DMD: variants seen among roughly 807,000 people sequenced by gnomAD.
The protein encoded by DMD is mutant dystrophin.
A neutral mutation model predicts 330.1 loss-of-function variants in DMD; 63 were observed. The ratio of observed to expected loss-of-function variants is 0.19; its 90% CI spans 0.16 to 0.24. The LOEUF (loss-of-function observed/expected upper bound fraction) is 0.24, where lower values mean the gene tolerates loss of function less well. Among genes scored for constraint, DMD ranks in the 10% least tolerant of loss-of-function variants. The pLI, the probability that DMD is intolerant of heterozygous loss-of-function variation, is 1.00. For missense variants in DMD, 3,344 were observed against 2,684.1 expected, an observed-to-expected ratio of 1.25 and a Z score of -5.43; for synonymous variants, 1,223 against 959.8, an observed-to-expected ratio of 1.27 and a Z score of -5.07.
chrX:31,341,059 T>G (rs995714242), intron 61 of DMD, among the ~76,000 whole-genome samples: 3 of 112,092 alleles, frequency 2.7e-5, no homozygotes, highest in African/African-American at 6.5e-5. Flanking sequence ...GACCATTAAA[T>G]GCAAGAGAAT....
chrX:33,193,781 A>G (rs957656931), intron 1 of DMD, among the ~76,000 whole-genome samples: 4 of 112,037 alleles, frequency 3.6e-5, no homozygotes, highest in Admixed American at 9.6e-5. Context: ...TTTCCATATC[A>G]TATTATACCC....
intron 1 of DMD, among the ~76,000 whole-genome samples, chrX:33,130,293 C>A (rs1434549372): frequency 9.0e-6 from 1 of 111,716 alleles, no homozygotes; most frequent in Non-Finnish European, 1.9e-5. Flanking sequence ...GTGCAAGATT[C>A]CACAATGCAC....
In DMD at chrX:33,074,485, T is replaced by A. The variant is rs138372871; in HGVS notation, c.32-54285A>T. ...AACTCCTTTGATTCAGTGGTTGCTA[T>A]GGTTTCACTATTTATCCCCTCCAAA... On this transcript the variant is annotated intron_variant, in intron 1 of 78. Coordinates refer to ENST00000357033, the MANE Select transcript of DMD (RefSeq NM_004006.3). Among the ~76,000 whole-genome samples the A allele has an allele frequency of 2.1e-3, 233 of 110,892 alleles. 1 individual carries two copies. The highest frequency in any genetic ancestry group is 7.4e-3 in the African/African-American group (225 of 30,450).
In DMD at chrX:32,288,755, G is replaced by T. The variant is rs150319907; in HGVS notation, c.6118-1054C>A. On this transcript the variant is annotated intron_variant, in intron 42 of 78. Transcript: ENST00000357033. ...TAATAAAGCAAATCAGTCCTATGAT[G>T]ATCCATCTTTAGTAAAAATGGGAGA... Among the ~76,000 whole-genome samples, 48 of 111,385 alleles carry T rather than the reference G, an allele frequency of 4.3e-4. No homozygotes were observed. The East Asian group carries it at 0.012, about 28-fold the overall frequency.
chrX:33,256,995 T>A (rs1056319912), intron 1 of DMD, among the ~76,000 whole-genome samples: 2 of 110,637 alleles, frequency 1.8e-5, no homozygotes, highest in African/African-American at 6.5e-5. Context: ...TTTTACGATA[T>A]GTGCAAAAAT....
chrX:33,193,764 G>T (rs2050779581), intron 1 of DMD, among the ~76,000 whole-genome samples: 1 of 112,030 alleles, frequency 8.9e-6, no homozygotes, highest in Non-Finnish European at 1.9e-5. Flanking sequence ...GAAGTTATCT[G>T]AGAGTCTTTC....
intron 52 of DMD, among the ~76,000 whole-genome samples, chrX:31,687,928 C>G (rs2082799349): frequency 9.0e-6 from 1 of 111,124 alleles, no homozygotes; most frequent in Non-Finnish European, 1.9e-5. Context: ...GTATCTTTCT[C>G]TGTTTCTGAA....
intron 61 of DMD, among the ~76,000 whole-genome samples, chrX:31,329,956 C>T (rs2057014316): frequency 1.5e-5 from 1 of 66,935 alleles, no homozygotes; most frequent in African/African-American, 6.4e-5. Context: ...GGCGACAGAG[C>T]AAGATTCCAT....
chrX:32,322,348 C>A (rs1265462253), intron 41 of DMD, among the ~76,000 whole-genome samples: 1 of 110,996 alleles, frequency 9.0e-6, no homozygotes, highest in Non-Finnish European at 1.9e-5. Flanking sequence ...TACTTGATTC[C>A]AGGAGTTCAA....
intron 7 of DMD, among the ~76,000 whole-genome samples, chrX:32,725,327 C>T (rs1430456977): frequency 1.8e-5 from 2 of 110,302 alleles, no homozygotes; most frequent in Non-Finnish European, 3.8e-5. Flanking sequence ...TATTGTAGTC[C>T]ATAGGTATAT....
At chrX:32,956,598 T>A (rs754623412) in intron 2 of DMD, among the ~76,000 whole-genome samples, 1 of 111,970 alleles carries the variant, frequency 8.9e-6, no homozygotes, top group South Asian at 3.7e-4. Context: ...AAGAAGCTTT[T>A]GGGCTGAGAC....
chrX:31,362,931 CAG>C (rs1477951623), intron 60 of DMD, among the ~76,000 whole-genome samples: 1 of 112,472 alleles, frequency 8.9e-6, no homozygotes, highest in Non-Finnish European at 1.9e-5. Context: ...GCCTGGGTGA[CAG>C]AGTGAGACAC....
intron 43 of DMD, among the ~76,000 whole-genome samples, chrX:32,225,197 A>G: frequency 8.9e-6 from 1 of 112,309 alleles, no homozygotes; most frequent in Non-Finnish European, 1.9e-5. Flanking sequence ...CTTGAGAACA[A>G]ATATTTCAGG....
intron 55 of DMD, among the ~76,000 whole-genome samples, chrX:31,529,464 G>A (rs1376291427): frequency 4.5e-5 from 5 of 111,651 alleles, no homozygotes; most frequent in Non-Finnish European, 9.4e-5. Context: ...TGGGACAGCC[G>A]GAGACAAATT....
At chrX:32,149,003 GCATTTTCTTTTATAC>G (rs2096791739) in intron 44 of DMD, among the ~76,000 whole-genome samples, 1 of 111,840 alleles carries the variant, frequency 8.9e-6, no homozygotes, top group South Asian at 3.7e-4. Flanking sequence ...AAAGTGATAT[GCATTTTCTTTTATAC>G]CATTTTCTTT....
At chrX:31,233,962 C>T (rs1475958291) in intron 63 of DMD, among the ~76,000 whole-genome samples, 1 of 111,551 alleles carries the variant, frequency 9.0e-6, no homozygotes, top group Non-Finnish European at 1.9e-5. Context: ...GAATGATACG[C>T]CATTAGTTAA....
intron 7 of DMD, among the ~76,000 whole-genome samples, chrX:32,775,811 T>G (rs1212605336): frequency 8.8e-6 from 1 of 113,017 alleles, no homozygotes; most frequent in Admixed American, 9.3e-5. Context: ...TCTCTTTACT[T>G]ATGCAAATTT....
chrX:31,435,998 A>G (rs771421731), intron 60 of DMD, among the ~76,000 whole-genome samples: 1 of 111,730 alleles, frequency 9.0e-6, no homozygotes, highest in Non-Finnish European at 1.9e-5. Flanking sequence ...AGGACAAGAA[A>G]ACATGACCAT....
intron 45 of DMD, among the ~76,000 whole-genome samples, chrX:31,932,768 GTACA>G (rs201834881): frequency 0.039 from 4,382 of 111,291 alleles, 78 homozygotes; most frequent in Non-Finnish European, 0.062. Flanking sequence ...ACATACGTAC[GTACA>G]TACATACATA....
Sources: gnomAD v4.1 joint callset for allele counts (sites outside exome capture counted in the v4.1 genomes callset) on GRCh38, gnomAD v4.1.1 for gene constraint, MANE v1.5 for transcripts, NCBI Gene and HGNC (gene_info 2026-07-23, HGNC 2026-07-21) for gene names.